The following SPOCK3 variants were observed in gnomAD, a reference collection of about 807,000 sequenced individuals.
SPOCK3 encodes SPARC (osteonectin), cwcv and kazal like domains proteoglycan 3, also known as testican-3.
In SPOCK3, 30 loss-of-function variants were observed where a neutral mutation model predicts 56.6. The observed-to-expected ratio is 0.53, with a 90% CI of 0.40 to 0.72. The LOEUF is 0.72. SPOCK3 is among the 30% of genes least tolerant of loss of function. The probability of loss-of-function intolerance (pLI) is 0.00; values close to 1 mark genes in which losing one functional copy is unlikely to be tolerated. For missense variants in SPOCK3, 527 were observed against 530.0 expected, an observed-to-expected ratio of 0.99 and a Z score of 0.06; for synonymous variants, 196 against 183.3, an observed-to-expected ratio of 1.07 and a Z score of -0.56.
In SPOCK3 at chr4:166,754,524, G is replaced by A. The variant is rs1736812580; in HGVS notation, c.915C>T (p.Cys305=). The A allele has an allele frequency of 1.2e-6, 2 of 1,612,684 alleles. No homozygotes were observed. Among genetic ancestry groups the A allele is most frequent in the Non-Finnish European group, 8.5e-7 (1 of 1,179,116 alleles). ...SLISNNEWCY[C]FQRQQDPPCQ... ...ATCTTTTACCTTGCTGTCTCTGGAA[G>A]CAGTAGCACCACTCATTATTAGATA... The change falls in exon 8 of 11, where the codon TGC becomes TGT. Residue 305 remains cysteine, a synonymous_variant. Coordinates refer to ENST00000357545, the MANE Select transcript of SPOCK3 (RefSeq NM_001040159.2).
chr4:167,006,501 T>A (rs1218217311), intron 3 of SPOCK3, among the ~76,000 whole-genome samples: 2 of 152,104 alleles, frequency 1.3e-5, no homozygotes, highest in Admixed American at 6.5e-5. Context: ...ATTCTGAGAG[T>A]TCATTCTTAT....
At chr4:166,822,339 T>C (rs1560895737) in intron 6 of SPOCK3, among the ~76,000 whole-genome samples, 2 of 152,208 alleles carry the variant, frequency 1.3e-5, no homozygotes, top group Non-Finnish European at 1.5e-5. Flanking sequence ...GATCAGTATT[T>C]GTCACACAGA....
intron 9 of SPOCK3, among the ~76,000 whole-genome samples, chr4:166,740,620 G>A (rs1284360944): frequency 2.6e-5 from 4 of 151,538 alleles, no homozygotes; most frequent in East Asian, 3.9e-4. Context: ...CTTCCTCCCC[G>A]GTTCAAGCAA....
intron 2 of SPOCK3, among the ~76,000 whole-genome samples, chr4:167,211,020 A>T (rs1373707891): frequency 6.6e-6 from 1 of 152,234 alleles, no homozygotes; most frequent in African/African-American, 2.4e-5. Context: ...TTAAGTTATA[A>T]ATTATGTAAT....
At chr4:167,109,642 C>T (rs1433529149) in intron 2 of SPOCK3, among the ~76,000 whole-genome samples, 3 of 144,488 alleles carry the variant, frequency 2.1e-5, no homozygotes, top group African/African-American at 7.6e-5. Flanking sequence ...TCTTCTAATA[C>T]CTCTTGGTCT....
At chr4:167,070,416 A>G (rs1360724181) in intron 2 of SPOCK3, among the ~76,000 whole-genome samples, 2 of 151,942 alleles carry the variant, frequency 1.3e-5, no homozygotes, top group Non-Finnish European at 2.9e-5. Context: ...TAATCTTTAT[A>G]TATCTATACA....
rs1218447993 is a variant in SPOCK3 at position 167,109,416 on chromosome 4, TA to T, written c.190-46880del. Among the ~76,000 whole-genome samples the T allele has an allele frequency of 1.1e-4, 9 of 84,724 alleles. No homozygotes were observed. The East Asian group carries it at 1.5e-3, about 15-fold the overall frequency. The allele number at this position is 84,724 out of a possible 152,430, so 55.6% of individuals were successfully genotyped here. On this transcript the variant is annotated intron_variant, in intron 2 of 10. Coordinates refer to ENST00000357545, the MANE Select transcript of SPOCK3 (RefSeq NM_001040159.2). ...ATATATATTTATATATAAATATATA[TA>T]TAAATATATATATGATAAATATATA... is the stretch of plus-strand genomic sequence containing the variant.
chr4:166,899,293 T>TCTATCTATCTATCTATCTATCTATCTAA (rs555306781), intron 5 of SPOCK3, among the ~76,000 whole-genome samples: 2 of 139,022 alleles, frequency 1.4e-5, no homozygotes, highest in African/African-American at 5.4e-5. Context: ...TATCTATCTA[T>TCTATCTATCTATCTATCTATCTATCTAA]CTATCTATGT....
chr4:166,797,534 G>A (rs1742091353), intron 6 of SPOCK3, among the ~76,000 whole-genome samples: 1 of 151,130 alleles, frequency 6.6e-6, no homozygotes, highest in Admixed American at 6.6e-5. Flanking sequence ...CCATAATGAT[G>A]GTTTCCTTCT....
intron 3 of SPOCK3, among the ~76,000 whole-genome samples, chr4:167,013,913 G>GA (rs1561120650): frequency 2.6e-5 from 4 of 152,074 alleles, no homozygotes; most frequent in Non-Finnish European, 5.9e-5. Context: ...TAACTAGCCT[G>GA]GGAGGTAGTG....
intron 6 of SPOCK3, among the ~76,000 whole-genome samples, chr4:166,885,964 G>A (rs1044553005): frequency 1.3e-5 from 2 of 152,102 alleles, no homozygotes; most frequent in Non-Finnish European, 2.9e-5. Context: ...TACCATTGTT[G>A]TGTAGACAAT....
intron 3 of SPOCK3, among the ~76,000 whole-genome samples, chr4:167,046,470 T>G (rs1753743043): frequency 7.0e-6 from 1 of 143,504 alleles, no homozygotes; most frequent in East Asian, 2.0e-4. Flanking sequence ...TTTTTTTTTT[T>G]TTTTTAACAA....
chr4:166,910,649 G>A (rs1377242094), intron 5 of SPOCK3, among the ~76,000 whole-genome samples: 1 of 152,082 alleles, frequency 6.6e-6, no homozygotes, highest in Non-Finnish European at 1.5e-5. Flanking sequence ...AATTGGGAAA[G>A]GAAGGATCAC....
At chr4:167,070,170 G>C (rs1336307957) in intron 2 of SPOCK3, among the ~76,000 whole-genome samples, 2 of 151,856 alleles carry the variant, frequency 1.3e-5, no homozygotes, top group Non-Finnish European at 2.9e-5. Context: ...AAAGTATTTT[G>C]GGCCCCTAGT....
chr4:167,197,236 G>A (rs1404697978), intron 2 of SPOCK3, among the ~76,000 whole-genome samples: 1 of 151,890 alleles, frequency 6.6e-6, no homozygotes, highest in Non-Finnish European at 1.5e-5. Context: ...CTTTATCAGA[G>A]GTCAAATTAA....
chr4:167,054,733 T>G (rs1754597809), intron 3 of SPOCK3, among the ~76,000 whole-genome samples: 1 of 152,114 alleles, frequency 6.6e-6, no homozygotes, highest in Admixed American at 6.6e-5. Flanking sequence ...ACTGGAAAAA[T>G]GATTGATTAA....
chr4:167,233,928 C>T, intron 2 of SPOCK3, 57 bp downstream of exon 2: 5 of 1,509,732 alleles, frequency 3.3e-6, no homozygotes, highest in Non-Finnish European at 2.7e-6. Context: ...GCGGCCGCGG[C>T]CCCCGCCTCG....
chr4:167,223,938 T>C (rs920079531), intron 2 of SPOCK3, among the ~76,000 whole-genome samples: 4 of 152,078 alleles, frequency 2.6e-5, no homozygotes, highest in South Asian at 2.1e-4. Context: ...TCATTTGATA[T>C]TTTGGGTGAG....
chr4:166,963,184 A>G (rs1430750538), intron 4 of SPOCK3, among the ~76,000 whole-genome samples: 2 of 151,962 alleles, frequency 1.3e-5, no homozygotes, highest in African/African-American at 4.8e-5. Flanking sequence ...TTTCTCCCTG[A>G]TCATAAAAAT....
Sources: gnomAD v4.1 joint callset for allele counts (sites outside exome capture counted in the v4.1 genomes callset) on GRCh38, gnomAD v4.1.1 for gene constraint, MANE v1.5 for transcripts, NCBI Gene and HGNC (gene_info 2026-07-23, HGNC 2026-07-21) for gene names.